The following MUC22 variants were observed in gnomAD, a reference collection of about 807,000 sequenced individuals.
MUC22 encodes the protein mucin-22.
MUC22 carries 24 observed loss-of-function variants against 40.3 expected under a neutral mutation model. The observed-to-expected ratio is 0.60, with a 90% confidence interval of 0.43 to 0.84. The LOEUF is 0.84. Ranked by LOEUF, MUC22 falls within the 40% of genes least tolerant of loss-of-function variation. MUC22 has a pLI of 0.00. For synonymous variants in MUC22, 765 were observed against 844.5 expected (o/e 0.91, Z 1.63); for missense variants, 1,926 against 2,130.7 (o/e 0.90, Z 1.89).
At chr6:31,013,121 C>A (rs1763962432) in intron 1 of MUC22, among the ~76,000 whole-genome samples, 2 of 145,928 alleles carry the variant, frequency 1.4e-5, no homozygotes, top group South Asian at 2.2e-4. Flanking sequence ...CTCCTCCTCA[C>A]CCCCATTCTT....
exon 2 of MUC22, chr6:31,029,470 A>G (rs201036481): frequency 6.5e-7 from 1 of 1,534,512 alleles, no homozygotes; most frequent in South Asian, 1.2e-5. Flanking sequence ...TGGGACCACC[A>G]CAGCCTCTAC....
intron 1 of MUC22, among the ~76,000 whole-genome samples, chr6:31,012,411 C>G (rs1763921881): frequency 6.6e-6 from 1 of 152,232 alleles, no homozygotes; most frequent in Non-Finnish European, 1.5e-5. Flanking sequence ...TGCCCGTCGC[C>G]TGTCCTAATC....
chr6:31,017,186 C>T (rs922517510), intron 1 of MUC22, among the ~76,000 whole-genome samples: 5 of 152,220 alleles, frequency 3.3e-5, no homozygotes, highest in African/African-American at 9.6e-5. Flanking sequence ...GGAGTACTGG[C>T]GCACGGCGTG....
intron 1 of MUC22, among the ~76,000 whole-genome samples, chr6:31,019,967 A>C (rs1406051203): frequency 1.3e-5 from 2 of 152,206 alleles, no homozygotes; most frequent in Non-Finnish European, 1.5e-5. Flanking sequence ...AATGAATAGA[A>C]TACCAGTGAT....
rs1319902441 is a variant in MUC22, at chr6:31,010,629, GTC to G, written c.-72_-71del. 2.9e-6 allele frequency: 2 copies of G among 696,866 alleles called. No individual in the cohort carries two copies. Among genetic ancestry groups the G allele is most frequent in the Non-Finnish European group, 5.2e-6 (2 of 381,918 alleles). The allele number at this position is 696,866 out of a possible 1,614,324, so 43.2% of individuals were successfully genotyped here. A position where few individuals can be genotyped will look rare whatever the true frequency, so the allele number is the denominator to read the frequency against. On this transcript the variant is annotated 5_prime_UTR_variant, in exon 1 of 4. The change creates a premature stop within an existing upstream ORF in the 5' untranslated region. Transcript: ENST00000561890. ...TCAAGGCCCAGGGGGTTTGCCCCTT[GTC>G]TCTCTGCCTCTTTGACCTATCCTTC...
At chr6:31,025,167 C>A (rs994735109) in intron 1 of MUC22, among the ~76,000 whole-genome samples, 11 of 152,170 alleles carry the variant, frequency 7.2e-5, no homozygotes, top group African/African-American at 2.4e-4. Flanking sequence ...GCCTTCTTAT[C>A]CTTCAGATCT....
chr6:31,025,505 C>A, exon 2 of MUC22: 3 of 1,493,624 alleles, frequency 2.0e-6, no homozygotes, highest in Non-Finnish European at 2.7e-6. Flanking sequence ...ACCTCAGGCT[C>A]TGAGAATACC....
chr6:31,022,718 A>T (rs979173577), intron 1 of MUC22, among the ~76,000 whole-genome samples: 2 of 152,228 alleles, frequency 1.3e-5, no homozygotes, highest in African/African-American at 4.8e-5. Context: ...TTACAGGAAG[A>T]GGAATGAGCT....
At chr6:31,027,813 G>C (rs1426750187) in exon 2 of MUC22, 3 of 1,534,776 alleles carry the variant, frequency 2.0e-6, no homozygotes, top group Non-Finnish European at 2.6e-6. Flanking sequence ...CAGGCTCTGA[G>C]ACCACTACAG....
intron 1 of MUC22, among the ~76,000 whole-genome samples, chr6:31,018,353 C>A (rs1029149927): frequency 6.6e-6 from 1 of 152,176 alleles, no homozygotes; most frequent in African/African-American, 2.4e-5. Context: ...CATGCCACAC[C>A]CAAATCTTTA....
exon 2 of MUC22, chr6:31,026,916 G>A (rs759907679): frequency 6.7e-7 from 1 of 1,503,408 alleles, no homozygotes. Flanking sequence ...CAGGCTCTGA[G>A]ACCACAGTCT....
exon 2 of MUC22, chr6:31,027,119 C>A (rs1284812161): frequency 6.7e-7 from 1 of 1,496,816 alleles, no homozygotes; most frequent in East Asian, 2.5e-5. Context: ...ACCATAGGCC[C>A]TGAGACCACC....
intron 1 of MUC22, among the ~76,000 whole-genome samples, chr6:31,021,040 C>T (rs1462351183): frequency 2.6e-5 from 4 of 152,228 alleles, no homozygotes; most frequent in African/African-American, 4.8e-5. Context: ...GGAGCCTCCC[C>T]GATGAGCGCC....
At position 31,032,324 on chromosome 6, in the gene MUC22, A is replaced by G; in HGVS notation, c.4798A>G (p.Thr1600Ala). The G allele has an allele frequency of 3.3e-6, 5 of 1,535,656 alleles. No homozygotes were observed. Among genetic ancestry groups the G allele is most frequent in the African/African-American group, 2.7e-5 (2 of 73,152 alleles). The change falls in exon 3 of 4, where the codon ACA (threonine) becomes GCA (alanine). Residue 1600 changes from threonine (T) to alanine (A), a missense_variant. Thr to Ala is a moderately conservative substitution (Grantham distance 58). Coordinates refer to ENST00000561890, the Ensembl canonical transcript of MUC22. This position sits in a 1 kb window ranked among gnomAD's most constrained non-coding sequence, Gnocchi z 4.1. ...AGTCTTAAACACCTCTGGCCTGGGT[A>G]CATCCACTATGGGAGCATCATCTAC...
upstream of MUC22, among the ~76,000 whole-genome samples, chr6:31,007,798 CCT>C (rs1307490239): frequency 1.3e-5 from 2 of 152,152 alleles, no homozygotes; most frequent in African/African-American, 4.8e-5. This position sits in a 1 kb window ranked among gnomAD's most constrained non-coding sequence, Gnocchi z 4.0. Context: ...GCCCACAACC[CCT>C]GTTTGCTCTT....
At chr6:31,028,704 C>T (rs1765683728) in exon 2 of MUC22, 2 of 1,530,810 alleles carry the variant, frequency 1.3e-6, no homozygotes, top group Non-Finnish European at 8.7e-7. Context: ...CTACAGCAGG[C>T]TCTGAGACCA....
At chr6:31,007,395 C>A (rs2150733002), upstream of MUC22, among the ~76,000 whole-genome samples, 1 of 152,234 alleles carries the variant, frequency 6.6e-6, no homozygotes, top group Non-Finnish European at 1.5e-5. The surrounding 1 kb of genome is among the most constrained non-coding windows in gnomAD (Gnocchi z 4.0). Flanking sequence ...AGACATAGAC[C>A]ATATCAGGCT....
At chr6:31,021,938 C>T (rs1027969624) in intron 1 of MUC22, among the ~76,000 whole-genome samples, 4 of 152,106 alleles carry the variant, frequency 2.6e-5, no homozygotes, top group Non-Finnish European at 5.9e-5. Context: ...TTTTTATGAT[C>T]TGTAACACTC....
chr6:31,028,161 C>T (rs770994224), exon 2 of MUC22: 1 of 1,530,914 alleles, frequency 6.5e-7, no homozygotes, highest in Non-Finnish European at 8.7e-7. Flanking sequence ...TGGTCTCTAC[C>T]ACAGGCTCTG....
Sources: allele counts gnomAD v4.1 joint callset (sites outside exome capture counted in the v4.1 genomes callset), GRCh38; gene constraint gnomAD v4.1.1; non-coding constraint Gnocchi (gnomAD v3.1); transcripts MANE v1.5; gene names NCBI Gene and HGNC (gene_info 2026-07-23, HGNC 2026-07-21).